Variants in CNTNAP5 observed in about 807,000 individuals in gnomAD.
The protein encoded by CNTNAP5 is contactin associated protein family member 5, also known as contactin-associated protein-like 5.
CNTNAP5 carries 72 observed loss-of-function variants against 150.2 expected under a neutral mutation model. The observed-to-expected ratio is 0.48, with a 90% CI of 0.40 to 0.58. The LOEUF (loss-of-function observed/expected upper bound fraction) is 0.58. Among genes scored for constraint, CNTNAP5 ranks in the 20% least tolerant of loss-of-function variants. The probability of loss-of-function intolerance (pLI) is 0.00; values close to 1 mark genes in which losing one functional copy is unlikely to be tolerated. For missense variants in CNTNAP5, 1,636 were observed against 1,626.2 expected (o/e 1.01, Z -0.10); for synonymous variants, 672 against 619.8 (o/e 1.08, Z -1.25).
chr2:124,454,376 A>T (rs1693064420), intron 6 of CNTNAP5, among the ~76,000 whole-genome samples: 1 of 152,204 alleles, frequency 6.6e-6, no homozygotes, highest in Non-Finnish European at 1.5e-5. Context: ...ATATGCACCT[A>T]ACTCTGGAGC....
At chr2:124,535,542 T>A (rs945531912) in intron 10 of CNTNAP5, among the ~76,000 whole-genome samples, 5 of 144,486 alleles carry the variant, frequency 3.5e-5, no homozygotes, top group African/African-American at 1.3e-4. Flanking sequence ...GAAGGGCGGA[T>A]CACAAGGTCA....
intron 3 of CNTNAP5, among the ~76,000 whole-genome samples, chr2:124,267,642 A>C (rs1687643932): frequency 6.6e-6 from 1 of 152,188 alleles, no homozygotes; most frequent in South Asian, 2.1e-4. Context: ...AAAATGTATA[A>C]AATTTATGTA....
chr2:124,139,982 G>A (rs996495874), intron 1 of CNTNAP5, among the ~76,000 whole-genome samples: 25 of 152,190 alleles, frequency 1.6e-4, no homozygotes, highest in Admixed American at 1.2e-3. Flanking sequence ...CTCGGGAAGC[G>A]CAAGGGGTCA....
At chr2:124,060,120 G>C (rs1681966703) in intron 1 of CNTNAP5, among the ~76,000 whole-genome samples, 1 of 152,140 alleles carries the variant, frequency 6.6e-6, no homozygotes, top group South Asian at 2.1e-4. Flanking sequence ...AGTGTGTTCA[G>C]GGTGGCCCCT....
chr2:124,143,715 C>T (rs1279366466), intron 1 of CNTNAP5, among the ~76,000 whole-genome samples: 1 of 134,556 alleles, frequency 7.4e-6, no homozygotes, highest in Non-Finnish European at 1.6e-5. Flanking sequence ...GGAAGCATTC[C>T]CTTTGAAAAC....
chr2:124,495,440 A>C (rs1694120325), intron 7 of CNTNAP5, among the ~76,000 whole-genome samples: 1 of 152,226 alleles, frequency 6.6e-6, no homozygotes, highest in Non-Finnish European at 1.5e-5. Flanking sequence ...AAGACAAGAG[A>C]CCATCTCTGA....
chr2:124,868,788 C>G (rs1187053934), intron 20 of CNTNAP5, among the ~76,000 whole-genome samples: 1 of 152,072 alleles, frequency 6.6e-6, no homozygotes, highest in Non-Finnish European at 1.5e-5. Context: ...TCAAGCTGTG[C>G]AAAGTCAGGC....
At chr2:124,490,631 C>G (rs1693998939) in intron 7 of CNTNAP5, among the ~76,000 whole-genome samples, 1 of 151,922 alleles carries the variant, frequency 6.6e-6, no homozygotes, top group Admixed American at 6.6e-5. Context: ...TTGTGTCATC[C>G]AATATGGTAG....
At chr2:124,685,633 G>GT (rs1679172872) in intron 13 of CNTNAP5, among the ~76,000 whole-genome samples, 1 of 151,992 alleles carries the variant, frequency 6.6e-6, no homozygotes, top group African/African-American at 2.4e-5. Context: ...TATAACTGAG[G>GT]TTTTTTAAAA....
chr2:124,110,422 C>A (rs1683269203), intron 1 of CNTNAP5, among the ~76,000 whole-genome samples: 1 of 152,074 alleles, frequency 6.6e-6, no homozygotes, highest in Non-Finnish European at 1.5e-5. Context: ...TAAAAAAAGG[C>A]CGGTTTTTCA....
chr2:124,712,766 GA>G (rs1202750721), intron 13 of CNTNAP5, among the ~76,000 whole-genome samples: 1 of 150,782 alleles, frequency 6.6e-6, no homozygotes, highest in Non-Finnish European at 1.5e-5. Flanking sequence ...TTCTTTTTAA[GA>G]GACAGGGTCT....
chr2:124,798,037 T>A (rs976112695), intron 18 of CNTNAP5, 59 bp from the exon 19 acceptor site: 13 of 1,326,870 alleles, frequency 9.8e-6, no homozygotes, highest in African/African-American at 1.5e-5. Flanking sequence ...CAGCTAAGGT[T>A]AGCTTGAACA....
chr2:124,682,614 A>G (rs988014146), intron 13 of CNTNAP5, among the ~76,000 whole-genome samples: 1 of 152,226 alleles, frequency 6.6e-6, no homozygotes, highest in African/African-American at 2.4e-5. Flanking sequence ...GAGGCTCAGT[A>G]GTTTCTCTCG....
intron 13 of CNTNAP5, among the ~76,000 whole-genome samples, chr2:124,705,972 C>G (rs1679628913): frequency 6.6e-6 from 1 of 152,160 alleles, no homozygotes; most frequent in Admixed American, 6.5e-5. Flanking sequence ...GGCCTCTGAT[C>G]ATCACAGGCA....
chr2:124,631,452 C>A (rs770019732), intron 12 of CNTNAP5, among the ~76,000 whole-genome samples: 6 of 152,070 alleles, frequency 3.9e-5, no homozygotes, highest in Non-Finnish European at 8.8e-5. Context: ...TTTGACAAAC[C>A]TCACAAAAAC....
At chr2:124,865,246 A>G (rs1677606512) in intron 19 of CNTNAP5, 60 bp from the exon 20 acceptor site, 2 of 1,354,716 alleles carry the variant, frequency 1.5e-6, no homozygotes, top group African/African-American at 1.5e-5. Context: ...TAATCTGATC[A>G]TGTCTTTGCA....
At chr2:124,464,036 A>T (rs1693317452) in intron 6 of CNTNAP5, among the ~76,000 whole-genome samples, 1 of 152,180 alleles carries the variant, frequency 6.6e-6, no homozygotes, top group Non-Finnish European at 1.5e-5. Flanking sequence ...CGATATATAA[A>T]CATGATCAAT....
At chr2:124,818,145 A>C (rs1234395069) in intron 19 of CNTNAP5, among the ~76,000 whole-genome samples, 1 of 152,204 alleles carries the variant, frequency 6.6e-6, no homozygotes, top group African/African-American at 2.4e-5. Flanking sequence ...CCCACCTAAC[A>C]GTGCGTTCAC....
chr2:124,378,946 A>G (rs965421584), intron 3 of CNTNAP5, among the ~76,000 whole-genome samples: 5 of 152,160 alleles, frequency 3.3e-5, no homozygotes, highest in African/African-American at 7.2e-5. Flanking sequence ...CCAATGCCCT[A>G]TGAAATATGG....
Sources: gnomAD v4.1 joint callset for allele counts (sites outside exome capture counted in the v4.1 genomes callset) on GRCh38, gnomAD v4.1.1 for gene constraint, MANE v1.5 for transcripts, NCBI Gene and HGNC (gene_info 2026-07-23, HGNC 2026-07-21) for gene names.